TBC1D9: variants seen among roughly 807,000 people sequenced by gnomAD.
TBC1D9 encodes the protein TBC1 domain family member 9A.
TBC1D9 carries 63 observed loss-of-function variants against 132.0 expected under a neutral mutation model. The observed-to-expected ratio is 0.48, with a 90% CI of 0.39 to 0.59. The LOEUF (loss-of-function observed/expected upper bound fraction) is 0.59, where lower values mean the gene tolerates loss of function less well. Among genes scored for constraint, TBC1D9 ranks in the 20% least tolerant of loss-of-function variants. TBC1D9 has a pLI of 0.00. For missense variants in TBC1D9, 1,261 were observed against 1,592.7 expected (o/e 0.79, Z 3.54); for synonymous variants, 610 against 609.9 (o/e 1.00, Z 0.00).
Position 140,679,739 on chromosome 4 carries a change from T to C in TBC1D9, c.465A>G (p.Pro155=), listed in dbSNP as rs755903540. 2.5e-6 allele frequency: 4 copies of C among 1,613,748 alleles called. No homozygotes were observed. Among genetic ancestry groups the C allele is most frequent in the Non-Finnish European group, 3.4e-6 (4 of 1,179,834 alleles). The change falls in exon 4 of 21, where the codon CCA becomes CCG. Residue 155 remains proline, a synonymous_variant. Coordinates refer to ENST00000442267, the MANE Select transcript of TBC1D9 (RefSeq NM_015130.3). ...AATAGTTGACGAGTTTCTCTTCCTC[T>C]GGCATCCCAAACAGCCTATGAAATT... is the stretch of plus-strand genomic sequence containing the variant. ...IVKFHRLFGM[P]EEEKLVNYYS...
chr4:140,750,653 A>G (rs1738909999), intron 1 of TBC1D9, among the ~76,000 whole-genome samples: 1 of 152,142 alleles, frequency 6.6e-6, no homozygotes, highest in Non-Finnish European at 1.5e-5. Context: ...CTAAATAAAT[A>G]AAGGAATATA....
intron 1 of TBC1D9, among the ~76,000 whole-genome samples, chr4:140,746,537 G>A (rs1394425091): frequency 6.6e-6 from 1 of 152,182 alleles, no homozygotes; most frequent in Non-Finnish European, 1.5e-5. Context: ...ATATCTGAGA[G>A]GGGGCAATTT....
rs1578867341 is a variant in TBC1D9 at position 140,749,799 on chromosome 4, C to T, written c.130+6117G>A. On this transcript the variant is annotated intron_variant, in intron 1 of 20. Transcript: ENST00000442267. ...ATGAAAAAGAGATACCATAAAAATACTAACCAAATAAATCTATTCTAACCA... is the reference window on the plus strand; with the variant it reads ...ATGAAAAAGAGATACCATAAAAATATTAACCAAATAAATCTATTCTAACCA... Among the ~76,000 whole-genome samples, 4 of 152,166 alleles carry T rather than the reference C, an allele frequency of 2.6e-5. 1 individual carries two copies. In the South Asian group the frequency reaches 8.3e-4, roughly 32 times the overall value.
At chr4:140,652,026 G>T (rs1369008094) in intron 13 of TBC1D9, among the ~76,000 whole-genome samples, 1 of 152,016 alleles carries the variant, frequency 6.6e-6, no homozygotes, top group African/African-American at 2.4e-5. Context: ...ATCACTTAAG[G>T]CCAGGAGTTC....
intron 1 of TBC1D9, among the ~76,000 whole-genome samples, chr4:140,740,600 C>T (rs1738743912): frequency 6.6e-6 from 1 of 152,216 alleles, no homozygotes; most frequent in African/African-American, 2.4e-5. Flanking sequence ...CATTGCCTTA[C>T]ATCATACCTT....
intron 1 of TBC1D9, among the ~76,000 whole-genome samples, chr4:140,738,343 T>A (rs1000029678): frequency 1.3e-5 from 2 of 152,224 alleles, no homozygotes; most frequent in Non-Finnish European, 2.9e-5. Flanking sequence ...GAGCATGAGA[T>A]GAATGCATAA....
At chr4:140,650,023 C>A (rs935671078) in intron 13 of TBC1D9, among the ~76,000 whole-genome samples, 1 of 152,138 alleles carries the variant, frequency 6.6e-6, no homozygotes, top group Non-Finnish European at 1.5e-5. Context: ...GATCTTTTGT[C>A]TACCAGAAAG....
chr4:140,747,017 AAAATAAAT>A (rs375774605), intron 1 of TBC1D9, among the ~76,000 whole-genome samples: 9 of 151,144 alleles, frequency 6.0e-5, no homozygotes, highest in African/African-American at 1.9e-4. Context: ...ATAAAAATAA[AAAATAAAT>A]AAATAAATAA....
chr4:140,696,451 G>A (rs1468187078), intron 2 of TBC1D9, among the ~76,000 whole-genome samples: 6 of 61,114 alleles, frequency 9.8e-5, no homozygotes, highest in Admixed American at 3.4e-4. Flanking sequence ...GCAAGAGTCC[G>A]TCTCAAAAAA....
intron 13 of TBC1D9, among the ~76,000 whole-genome samples, chr4:140,656,267 T>C (rs557247964): frequency 7.2e-5 from 11 of 152,284 alleles, no homozygotes; most frequent in Non-Finnish European, 1.5e-4. Context: ...ACAACAGTGT[T>C]GGAAAGTGGG....
Position 140,748,232 on chromosome 4 carries a change from A to G in TBC1D9, c.130+7684T>C, listed in dbSNP as rs187541787. Among the ~76,000 whole-genome samples the G allele has an allele frequency of 7.2e-5, 11 of 152,352 alleles. No homozygotes were observed. In the East Asian group the frequency reaches 2.1e-3, roughly 29 times the overall value. ...ACCAAACAGGAATATTTAATTTAAA[A>G]AAATAATTAAAAGTGGTTGGGCTGA... is the stretch of plus-strand genomic sequence containing the variant. On this transcript the variant is annotated intron_variant, in intron 1 of 20. Coordinates refer to ENST00000442267, the MANE Select transcript of TBC1D9 (RefSeq NM_015130.3).
chr4:140,622,771 T>G lies in TBC1D9; in HGVS notation c.3225A>C (p.Ala1075=). 1.2e-6 allele frequency: 2 copies of G among 1,604,558 alleles called. No individual in the cohort carries two copies. The highest frequency in any genetic ancestry group is 1.7e-6 in the Non-Finnish European group (2 of 1,179,542). ...EVGKLFVAQP[A]KEGGSGGSGP... is the part of the protein sequence containing the mutation. Reference sequence around the variant, plus strand: ...CACTGCCTCCGCTCCCGCCCTCCTTTGCAGGCTGGGCCACGAACAACTTGC... The same window carrying G: ...CACTGCCTCCGCTCCCGCCCTCCTTGGCAGGCTGGGCCACGAACAACTTGC... Residue 1075 remains alanine, a synonymous_variant, in exon 21 of 21, where the codon GCA becomes GCC. Transcript: ENST00000442267.
At chr4:140,683,361 A>G (rs1456303338) in intron 3 of TBC1D9, among the ~76,000 whole-genome samples, 3 of 152,180 alleles carry the variant, frequency 2.0e-5, no homozygotes, top group African/African-American at 7.2e-5. Context: ...CTCAACACTA[A>G]AAAAGGAAAT....
At chr4:140,672,167 GTA>G (rs1352933696) in intron 6 of TBC1D9, among the ~76,000 whole-genome samples, 2 of 151,014 alleles carry the variant, frequency 1.3e-5, no homozygotes, top group Admixed American at 6.6e-5. Flanking sequence ...ATGTGTTAGA[GTA>G]TATATGATTC....
intron 3 of TBC1D9, among the ~76,000 whole-genome samples, chr4:140,682,840 C>A (rs1011674883): frequency 6.6e-6 from 1 of 152,132 alleles, no homozygotes; most frequent in Non-Finnish European, 1.5e-5. Context: ...AGTATGCTAT[C>A]TAAAGATCTA....
chr4:140,731,768 A>G (rs17006401), intron 1 of TBC1D9, among the ~76,000 whole-genome samples: 59,275 of 151,898 alleles, frequency 0.39, 13,889 homozygotes, highest in African/African-American at 0.65. Flanking sequence ...AGGAGCAGAT[A>G]CAATTTTTTT....
At chr4:140,681,333 G>C (rs1737700075) in intron 3 of TBC1D9, among the ~76,000 whole-genome samples, 1 of 152,116 alleles carries the variant, frequency 6.6e-6, no homozygotes, top group African/African-American at 2.4e-5. Flanking sequence ...CCCACATGAA[G>C]TAATGTTGAT....
At chr4:140,724,439 A>G (rs774039762) in intron 1 of TBC1D9, among the ~76,000 whole-genome samples, 1 of 152,170 alleles carries the variant, frequency 6.6e-6, no homozygotes, top group African/African-American at 2.4e-5. Context: ...CACAGCGGCC[A>G]TTTTCTCAAT....
intron 1 of TBC1D9, 103 bp downstream of exon 1, chr4:140,755,813 C>A: frequency 7.3e-7 from 1 of 1,375,768 alleles, no homozygotes; most frequent in Middle Eastern, 2.6e-4. Context: ...GGTCGCCCAG[C>A]CCCAGGGGAC....
Sources: gnomAD v4.1 joint callset for allele counts (sites outside exome capture counted in the v4.1 genomes callset) on GRCh38, gnomAD v4.1.1 for gene constraint, MANE v1.5 for transcripts, NCBI Gene and HGNC (gene_info 2026-07-23, HGNC 2026-07-21) for gene names.